L3HYPDH: variants seen among roughly 807,000 people sequenced by gnomAD.
The protein encoded by L3HYPDH is trans-L-3-hydroxyproline dehydratase.
Under a neutral mutation model 26.5 loss-of-function variants are expected in L3HYPDH, and 32 were observed. The observed-to-expected ratio is 1.21, with a 90% CI of 0.91 to 1.62. The LOEUF (loss-of-function observed/expected upper bound fraction) is 1.62. Among genes scored for constraint, L3HYPDH ranks in the 40% most tolerant of loss-of-function variants. L3HYPDH has a pLI of 0.00. For missense variants in L3HYPDH, 554 were observed against 476.4 expected (o/e 1.16, Z -1.52); for synonymous variants, 215 against 196.6 (o/e 1.09, Z -0.78).
the L3HYPDH span, among the ~76,000 whole-genome samples, chr14:59,502,773 T>TTTTTTTTTTTGG: frequency 9.7e-6 from 1 of 102,836 alleles, no homozygotes; most frequent in African/African-American, 3.9e-5. Context: ...TTTTTTTTTT[T>TTTTTTTTTTTGG]CGGAGTCTCA....
upstream of L3HYPDH, chr14:59,485,225 A>G: frequency 8.3e-7 from 1 of 1,204,320 alleles, no homozygotes; most frequent in Non-Finnish European, 1.2e-6. Flanking sequence ...TTAAGCATCT[A>G]CTAGATGTAA....
the L3HYPDH span, chr14:59,505,242 C>T: frequency 6.8e-7 from 1 of 1,474,074 alleles, no homozygotes. Flanking sequence ...CCTTGAGTTA[C>T]TTTGTTAATG....
At chr14:59,502,764 T>TCTTTGTTTTTGTTTTTG in the L3HYPDH span, among the ~76,000 whole-genome samples, 271 of 130,504 alleles carry the variant, frequency 2.1e-3, 12 homozygotes, top group Middle Eastern at 3.7e-3. Context: ...TTTTTTTTTT[T>TCTTTGTTTTTGTTTTTG]TTTTTTTTTC....
the L3HYPDH span, among the ~76,000 whole-genome samples, chr14:59,496,378 G>C: frequency 1.3e-5 from 2 of 151,438 alleles, no homozygotes; most frequent in Non-Finnish European, 2.9e-5. Context: ...ACTCTCCTAA[G>C]GCCTTGCATA....
chr14:59,487,669 T>A, upstream of L3HYPDH: 1 of 1,609,260 alleles, frequency 6.2e-7, no homozygotes, highest in Non-Finnish European at 8.5e-7. Context: ...TTTTATATAT[T>A]ATAGGTATGC....
chr14:59,503,744 G>T, the L3HYPDH span: 1 of 680,850 alleles, frequency 1.5e-6, no homozygotes. Context: ...AACATTTTAT[G>T]ATTCTGAGAT....
At chr14:59,471,790 A>C (rs938862395), downstream of L3HYPDH, among the ~76,000 whole-genome samples, 2 of 152,344 alleles carry the variant, frequency 1.3e-5, no homozygotes, top group South Asian at 2.1e-4. Context: ...TTTAAAAAGT[A>C]TAGCAAATCT....
At chr14:59,481,855 A>G (rs542824296) in intron 1 of L3HYPDH, among the ~76,000 whole-genome samples, 3 of 152,194 alleles carry the variant, frequency 2.0e-5, no homozygotes, top group Non-Finnish European at 4.4e-5. Flanking sequence ...GTCTTGTGCA[A>G]ACTGTAACTG....
At chr14:59,499,072 G>A in the L3HYPDH span, among the ~76,000 whole-genome samples, 1 of 120,494 alleles carries the variant, frequency 8.3e-6, no homozygotes, top group African/African-American at 3.3e-5. Context: ...TCACCAGGCT[G>A]GAGTACAGTG....
At chr14:59,465,900 G>A (rs897728672) in intron 1 of L3HYPDH, among the ~76,000 whole-genome samples, 1 of 152,176 alleles carries the variant, frequency 6.6e-6, no homozygotes, top group Non-Finnish European at 1.5e-5. Context: ...AATATGTCTG[G>A]GGAAGTACCC....
upstream of L3HYPDH, chr14:59,486,706 T>C: frequency 1.3e-6 from 2 of 1,566,900 alleles, no homozygotes; most frequent in Non-Finnish European, 1.7e-6. Flanking sequence ...CATTTGTTTT[T>C]AAAAAGCTGT....
intron 1 of L3HYPDH, among the ~76,000 whole-genome samples, chr14:59,482,590 T>C (rs1594918687): frequency 6.6e-6 from 1 of 152,286 alleles, no homozygotes; most frequent in Non-Finnish European, 1.5e-5. Context: ...TAAACATAAA[T>C]TCTGTCTCCC....
chr14:59,493,467 G>A, the L3HYPDH span, among the ~76,000 whole-genome samples: 1 of 152,188 alleles, frequency 6.6e-6, no homozygotes, highest in Non-Finnish European at 1.5e-5. Context: ...AAAATAGTGA[G>A]AAATGATCAG....
chr14:59,483,127 T>C (rs1890157651), intron 1 of L3HYPDH, among the ~76,000 whole-genome samples: 1 of 152,192 alleles, frequency 6.6e-6, no homozygotes, highest in Non-Finnish European at 1.5e-5. Flanking sequence ...AGGAATACAG[T>C]ATCTTGCATA....
At position 59,479,216 on chromosome 14, in the gene L3HYPDH, G is replaced by T; in HGVS notation, c.644C>A (p.Ala215Glu). The T allele has an allele frequency of 6.2e-7, 1 of 1,610,706 alleles. No individual in the cohort carries two copies. The highest frequency in any genetic ancestry group is 8.5e-7 in the Non-Finnish European group (1 of 1,179,318). ...CSAKTRDLVDAASAVTEAVKA... is the reference protein window; with the variant it reads ...CSAKTRDLVDEASAVTEAVKA... ...CACTGCCTCTGTCACTGCACTCGCT[G>T]CATCCACAAGGTCCCTGGTCTTTGC... Residue 215 changes from alanine to glutamate, a missense_variant, in exon 2 of 5, where the codon GCA becomes GAA. Transcript: ENST00000247194.
At chr14:59,498,674 A>C in the L3HYPDH span, 2 of 1,009,440 alleles carry the variant, frequency 2.0e-6, no homozygotes, top group Non-Finnish European at 2.9e-6. Context: ...ATCAAGATTA[A>C]AAACATTTTT....
At chr14:59,484,558 A>G (rs1337082012), upstream of L3HYPDH, 2 of 1,568,568 alleles carry the variant, frequency 1.3e-6, no homozygotes, top group African/African-American at 1.4e-5. Context: ...CCGCTGATCT[A>G]GTGCTTCTCG....
chr14:59,480,671 G>A (rs1889950338), intron 1 of L3HYPDH, among the ~76,000 whole-genome samples: 1 of 152,218 alleles, frequency 6.6e-6, no homozygotes, highest in Non-Finnish European at 1.5e-5. Context: ...AAGGCTATCA[G>A]TATGCTATTA....
chr14:59,497,204 T>G, the L3HYPDH span, among the ~76,000 whole-genome samples: 3 of 152,176 alleles, frequency 2.0e-5, no homozygotes, highest in Admixed American at 2.0e-4. Flanking sequence ...ACATGTAAGC[T>G]TCTATCATTA....
Sources: allele counts gnomAD v4.1 joint callset (sites outside exome capture counted in the v4.1 genomes callset), GRCh38; gene constraint gnomAD v4.1.1; transcripts MANE v1.5; gene names NCBI Gene and HGNC (gene_info 2026-07-23, HGNC 2026-07-21).